Variants in TRHDE observed in about 807,000 individuals in gnomAD.
TRHDE encodes the protein thyrotropin-releasing hormone-degrading ectoenzyme.
Under a neutral mutation model 125.7 loss-of-function variants are expected in TRHDE, and 72 were observed. The ratio of observed to expected loss-of-function variants is 0.57; its 90% CI spans 0.47 to 0.70. The LOEUF (loss-of-function observed/expected upper bound fraction) is 0.70, where lower values mean the gene tolerates loss of function less well. Among genes scored for constraint, TRHDE ranks in the 30% least tolerant of loss-of-function variants. The pLI is 0.00. For synonymous variants in TRHDE, 509 were observed against 509.1 expected, an observed-to-expected ratio of 1.00 and a Z score of 0.00; for missense variants, 1,110 against 1,327.1, an observed-to-expected ratio of 0.84 and a Z score of 2.54.
chr12:72,400,462 C>T (rs1010768546), intron 3 of TRHDE, among the ~76,000 whole-genome samples: 3 of 152,250 alleles, frequency 2.0e-5, no homozygotes, highest in African/African-American at 7.2e-5. Flanking sequence ...AATAAAAATT[C>T]TCAGTGTAAA....
chr12:72,159,500 G>A (rs1188520656), intron 2 of TRHDE, among the ~76,000 whole-genome samples: 2 of 152,144 alleles, frequency 1.3e-5, no homozygotes, highest in Admixed American at 6.5e-5. Context: ...CTTCTTCTTA[G>A]CAGTTTTGTA....
intron 2 of TRHDE, among the ~76,000 whole-genome samples, chr12:72,338,976 T>C (rs1869957950): frequency 6.6e-6 from 1 of 152,200 alleles, no homozygotes; most frequent in Non-Finnish European, 1.5e-5. Flanking sequence ...CAATTCAGTT[T>C]ATCTGTATTT....
intron 2 of TRHDE, chr12:72,262,578 A>G (rs1448313650): frequency 6.6e-6 from 1 of 152,168 alleles, no homozygotes; most frequent in Non-Finnish European, 1.5e-5. Flanking sequence ...TATTCAGACC[A>G]TATAGAAACA....
chr12:72,264,872 C>A (rs940018909), intron 2 of TRHDE, among the ~76,000 whole-genome samples: 1 of 147,866 alleles, frequency 6.8e-6, no homozygotes. Context: ...TTTAATATGC[C>A]GATAACTCAA....
At chr12:72,578,349 G>A (rs183343003) in intron 12 of TRHDE, among the ~76,000 whole-genome samples, 1 of 152,184 alleles carries the variant, frequency 6.6e-6, no homozygotes, top group Admixed American at 6.5e-5. Flanking sequence ...ACCCCAAAGA[G>A]TGACACAGCA....
chr12:72,274,530 A>G (rs1403762420), intron 1 of TRHDE: 1 of 152,182 alleles, frequency 6.6e-6, no homozygotes, highest in Non-Finnish European at 1.5e-5. Flanking sequence ...TCCTGACATG[A>G]CTACTTCTAG....
At chr12:72,162,490 C>T (rs1262890029) in intron 2 of TRHDE, among the ~76,000 whole-genome samples, 2 of 152,126 alleles carry the variant, frequency 1.3e-5, no homozygotes, top group Non-Finnish European at 2.9e-5. Flanking sequence ...TTATTATCTT[C>T]CTGCATTGGC....
chr12:72,369,070 T>A (rs971175671), intron 2 of TRHDE, among the ~76,000 whole-genome samples: 3 of 152,198 alleles, frequency 2.0e-5, no homozygotes, highest in African/African-American at 7.2e-5. Flanking sequence ...GGGTTGAAGA[T>A]ATCTGCCTTT....
At chr12:72,366,635 C>A (rs1411379462) in intron 2 of TRHDE, among the ~76,000 whole-genome samples, 7 of 151,908 alleles carry the variant, frequency 4.6e-5, no homozygotes, top group Admixed American at 3.9e-4. Flanking sequence ...AAAGATAAGC[C>A]AAACACACTT....
intron 2 of TRHDE, among the ~76,000 whole-genome samples, chr12:72,261,141 T>G (rs1198528775): frequency 6.6e-6 from 1 of 152,206 alleles, no homozygotes; most frequent in African/African-American, 2.4e-5. Flanking sequence ...CTTGAGATGT[T>G]AAGTAAGTAT....
At position 72,480,835 on chromosome 12, in the gene TRHDE, T is replaced by A. The variant is rs548792217; in HGVS notation, c.1584+7655T>A. Among the ~76,000 whole-genome samples the A allele has an allele frequency of 7.9e-5, 12 of 152,248 alleles. No homozygotes were observed. In the South Asian group the frequency reaches 2.3e-3, roughly 29 times the overall value. On this transcript the variant is annotated intron_variant, in intron 5 of 18. Transcript: ENST00000261180. The stretch of plus-strand genomic sequence containing the variant: ...ACTTGATAAACCAAAAAATTGATAA[T>A]GCCAAAAATTATACCAAAATGACAA...
rs531092121 is a variant in TRHDE at position 72,254,664 on chromosome 12, A to T, written n.280-123331A>T. On this transcript the variant is annotated intron_variant and non_coding_transcript_variant, in intron 2 of 4. Coordinates refer to the TRHDE transcript ENST00000548156. The stretch of plus-strand genomic sequence containing the variant: ...GGAAAAGAAAAGAATGTTCACAAAC[A>T]TCCACTACCACAGGTACCCACTTAA... The T allele has an allele frequency of 2.6e-5, 4 of 152,344 alleles. No homozygotes were observed. The South Asian group carries it at 8.3e-4, about 32-fold the overall frequency. 9.4% of individuals were successfully genotyped at this position (152,344 alleles called of 1,614,324 possible). A position where few individuals can be genotyped will look rare whatever the true frequency, so the allele number is the denominator to read the frequency against.
chr12:72,473,684 A>T (rs1030971384), intron 5 of TRHDE, among the ~76,000 whole-genome samples: 1 of 152,122 alleles, frequency 6.6e-6, no homozygotes, highest in Non-Finnish European at 1.5e-5. Flanking sequence ...CCTATACTTT[A>T]GGAATGTCAG....
chr12:72,579,281 A>G (rs909757479), intron 12 of TRHDE, among the ~76,000 whole-genome samples: 8 of 152,036 alleles, frequency 5.3e-5, no homozygotes, highest in Non-Finnish European at 2.9e-5. Context: ...ATTATAATGA[A>G]TGGTATATAT....
intron 9 of TRHDE, among the ~76,000 whole-genome samples, chr12:72,563,850 T>C (rs1428995110): frequency 6.6e-6 from 1 of 152,080 alleles, no homozygotes; most frequent in Non-Finnish European, 1.5e-5. Flanking sequence ...GAAGTTAAAA[T>C]TGATAAACGC....
intron 12 of TRHDE, among the ~76,000 whole-genome samples, chr12:72,615,917 A>T (rs1317968231): frequency 6.6e-6 from 1 of 152,132 alleles, no homozygotes; most frequent in Non-Finnish European, 1.5e-5. Flanking sequence ...AAGGAAAACG[A>T]ACATAAAATA....
intron 2 of TRHDE, among the ~76,000 whole-genome samples, chr12:72,198,221 A>C (rs187340031): frequency 2.8e-4 from 42 of 152,146 alleles, no homozygotes; most frequent in African/African-American, 8.7e-4. Flanking sequence ...GTTGATGGAC[A>C]TTTGGGTTGT....
chr12:72,217,179 A>G (rs1199626746), intron 2 of TRHDE, among the ~76,000 whole-genome samples: 18 of 152,210 alleles, frequency 1.2e-4, no homozygotes, highest in Non-Finnish European at 2.5e-4. Flanking sequence ...GAACAGGTTC[A>G]TATACACAGT....
intron 2 of TRHDE, among the ~76,000 whole-genome samples, chr12:72,324,705 G>A (rs1291569944): frequency 2.0e-5 from 3 of 152,066 alleles, no homozygotes; most frequent in African/African-American, 4.8e-5. Flanking sequence ...CTGCATAAAC[G>A]AAAATTTATA....
Sources: gnomAD v4.1 joint callset for allele counts (sites outside exome capture counted in the v4.1 genomes callset) on GRCh38, gnomAD v4.1.1 for gene constraint, MANE v1.5 for transcripts, NCBI Gene and HGNC (gene_info 2026-07-23, HGNC 2026-07-21) for gene names.